Variants in CHAF1A observed in about 807,000 individuals in gnomAD.
CHAF1A encodes CAF-1 subunit A.
CHAF1A carries 5 observed loss-of-function variants against 93.2 expected under a neutral mutation model. The observed-to-expected ratio is 0.05, with a 90% confidence interval of 0.03 to 0.11. CHAF1A has a LOEUF of 0.11. CHAF1A is among the 10% of genes least tolerant of loss of function. The pLI, the probability that CHAF1A is intolerant of heterozygous loss-of-function variation, is 1.00. For missense variants in CHAF1A, 1,102 were observed against 1,259.9 expected, an observed-to-expected ratio of 0.87 and a Z score of 1.90; for synonymous variants, 504 against 510.3, an observed-to-expected ratio of 0.99 and a Z score of 0.17.
At chr19:4,414,102 G>A (rs1973856713) in intron 3 of CHAF1A, among the ~76,000 whole-genome samples, 2 of 152,104 alleles carry the variant, frequency 1.3e-5, no homozygotes. Context: ...AATTCTCCAT[G>A]TTTAAAAGAA....
At chr19:4,408,649 A>G (rs1973730649) in intron 2 of CHAF1A, among the ~76,000 whole-genome samples, 1 of 150,204 alleles carries the variant, frequency 6.7e-6, no homozygotes, top group Non-Finnish European at 1.5e-5. Flanking sequence ...TAATTTTTGT[A>G]GTTTTAGAAA....
At chr19:4,430,127 A>T (rs1974155037) in intron 10 of CHAF1A, 1 of 358,866 alleles carries the variant, frequency 2.8e-6, no homozygotes, top group Non-Finnish European at 5.2e-6. Context: ...CTTTCTGCCG[A>T]TGCTCACCGT....
chr19:4,409,637 T>A lies in CHAF1A; in HGVS notation c.838T>A (p.Ser280Thr), dbSNP rs769958515. Residue 280 changes from serine (S) to threonine (T), a missense_variant, in exon 3 of 15, where the codon TCT becomes ACT. Physicochemically the swap from Ser to Thr is moderately conservative, Grantham distance 58. This residue lies in a region of CHAF1A where 379 missense variants were observed against 365.7 expected (regional missense o/e 1.04). Transcript: ENST00000301280. Reference sequence around the variant, plus strand: ...GCTGGAATCTTTCCCCGAAGAAGACTCTGTACTCAGCCATTCGTCCCTGAG... The same window carrying A: ...GCTGGAATCTTTCCCCGAAGAAGACACTGTACTCAGCCATTCGTCCCTGAG... ...EVLESFPEEDSVLSHSSLSSP... is the reference protein window; with the variant it reads ...EVLESFPEEDTVLSHSSLSSP... 5.0e-6 allele frequency: 8 copies of A among 1,613,966 alleles called. No individual in the cohort carries two copies. The East Asian group carries it at 1.8e-4, about 36-fold the overall frequency.
chr19:4,430,948 C>T, intron 11 of CHAF1A: 1 of 370,850 alleles, frequency 2.7e-6, no homozygotes, highest in South Asian at 2.8e-5. Context: ...ATACAGTCAG[C>T]ATGCAGCAAG....
intron 3 of CHAF1A, among the ~76,000 whole-genome samples, chr19:4,413,657 CCTT>C (rs1396903982): frequency 1.3e-5 from 2 of 152,154 alleles, no homozygotes; most frequent in Admixed American, 6.6e-5. Context: ...GGCTGGCTTG[CCTT>C]CTTTATTATT....
At chr19:4,417,454 T>G in intron 3 of CHAF1A, among the ~76,000 whole-genome samples, 1 of 131,494 alleles carries the variant, frequency 7.6e-6, no homozygotes, top group African/African-American at 2.7e-5. Context: ...AGGCCAGCTG[T>G]CGCTTTTTTT....
chr19:4,430,693 C>G, intron 11 of CHAF1A, 52 bp downstream of exon 11: 1 of 1,601,968 alleles, frequency 6.2e-7, no homozygotes, highest in Non-Finnish European at 8.5e-7. Flanking sequence ...CATTTCTGGA[C>G]TGGTGCTCAG....
At chr19:4,416,415 G>A (rs527877961) in intron 3 of CHAF1A, among the ~76,000 whole-genome samples, 92 of 152,308 alleles carry the variant, frequency 6.0e-4, no homozygotes, top group Middle Eastern at 3.4e-3. Flanking sequence ...CTCCCTGTTC[G>A]TCTTCCTTCC....
rs955472786 is a variant in CHAF1A at position 4,428,454 on chromosome 19, C to T, written c.1378-210C>T. On this transcript the variant is annotated intron_variant, in intron 7 of 14. Coordinates refer to ENST00000301280, the MANE Select transcript of CHAF1A (RefSeq NM_005483.3). Reference sequence around the variant, plus strand: ...CAAAACAGCTCCCTTGTAGTCTGTCCCCCCACCGCCGGCCCTTGAGACTGC... The same window carrying T: ...CAAAACAGCTCCCTTGTAGTCTGTCTCCCCACCGCCGGCCCTTGAGACTGC... 2.0e-5 allele frequency among the ~76,000 whole-genome samples: 3 copies of T among 152,106 alleles called. No individual in the cohort carries two copies. In the East Asian group the frequency reaches 5.8e-4, roughly 29 times the overall value.
chr19:4,439,345 G>A (rs1470716768), intron 13 of CHAF1A, among the ~76,000 whole-genome samples: 3 of 152,000 alleles, frequency 2.0e-5, no homozygotes, highest in South Asian at 2.1e-4. Flanking sequence ...CCATGTAGTC[G>A]TTAAACGTTT....
chr19:4,445,712 C>T (rs1974496354), downstream of CHAF1A: 2 of 1,545,822 alleles, frequency 1.3e-6, no homozygotes, highest in South Asian at 2.4e-5. Flanking sequence ...CGCGGGGATG[C>T]CCCGGCCTGG....
At chr19:4,444,009 G>A (rs551782612), downstream of CHAF1A, among the ~76,000 whole-genome samples, 186 of 152,274 alleles carry the variant, frequency 1.2e-3, 1 homozygote, top group African/African-American at 4.2e-3. Context: ...ACGGCAGGGC[G>A]CCCGGGCCAG....
At chr19:4,416,291 G>T (rs1296965209) in intron 3 of CHAF1A, among the ~76,000 whole-genome samples, 2 of 152,190 alleles carry the variant, frequency 1.3e-5, no homozygotes, top group Non-Finnish European at 1.5e-5. Context: ...CAATGAACCC[G>T]GAGAACTATT....
intron 3 of CHAF1A, among the ~76,000 whole-genome samples, chr19:4,413,538 C>T (rs1412093302): frequency 1.3e-5 from 2 of 152,200 alleles, no homozygotes; most frequent in Non-Finnish European, 2.9e-5. Context: ...GATTGTTTCG[C>T]ACTGCCGTGT....
intron 8 of CHAF1A, 141 bp from the exon 9 acceptor site, chr19:4,429,297 T>C (rs1974138864): frequency 1.0e-6 from 1 of 965,686 alleles, no homozygotes; most frequent in Admixed American, 2.8e-5. Context: ...CTGACCTTTC[T>C]TTGGGGACAG....
intron 13 of CHAF1A, among the ~76,000 whole-genome samples, chr19:4,436,913 G>T (rs1049808358): frequency 1.1e-4 from 16 of 152,230 alleles, no homozygotes; most frequent in Non-Finnish European, 2.2e-4. Flanking sequence ...GAGTTACTGT[G>T]CTTCGGGGGC....
intron 4 of CHAF1A, among the ~76,000 whole-genome samples, chr19:4,418,409 CTTTTTTTTT>C (rs10549561): frequency 3.7e-5 from 4 of 107,078 alleles, no homozygotes; most frequent in Non-Finnish European, 7.6e-5. Context: ...AGTCCTGTCT[CTTTTTTTTT>C]TTTTTTTTTT....
At chr19:4,407,944 C>T (rs1432807034) in intron 2 of CHAF1A, among the ~76,000 whole-genome samples, 1 of 150,970 alleles carries the variant, frequency 6.6e-6, no homozygotes, top group South Asian at 2.1e-4. Flanking sequence ...AAGACTGTCT[C>T]CAAAAGAAAA....
chr19:4,447,250 T>G, downstream of CHAF1A: 1 of 570,482 alleles, frequency 1.8e-6, no homozygotes, highest in Non-Finnish European at 3.1e-6. Context: ...ACCAGACATC[T>G]GGTTTGCATG....
Sources: gnomAD v4.1 joint callset for allele counts (sites outside exome capture counted in the v4.1 genomes callset) on GRCh38, gnomAD v4.1.1 for gene constraint, gnomAD v4.1.1 regional missense constraint, MANE v1.5 for transcripts, NCBI Gene and HGNC (gene_info 2026-07-23, HGNC 2026-07-21) for gene names.